The following MAP4K3 variants were observed in gnomAD, a reference collection of about 807,000 sequenced individuals.
MAP4K3 encodes the protein MAPK/ERK kinase kinase kinase 3.
A neutral mutation model predicts 143.5 loss-of-function variants in MAP4K3; 94 were observed. The ratio of observed to expected loss-of-function variants is 0.65; its 90% CI spans 0.55 to 0.78. The LOEUF is 0.78. MAP4K3 is among the 30% of genes least tolerant of loss of function. MAP4K3 has a pLI of 0.00. For missense variants in MAP4K3, 1,077 were observed against 1,068.1 expected (o/e 1.01, Z -0.12); for synonymous variants, 416 against 347.2 (o/e 1.20, Z -2.20).
In MAP4K3 at chr2:39,385,080, T is replaced by C. The variant is rs570734128; in HGVS notation, c.97-6957A>G. Reference sequence around the variant, plus strand: ...TTTTTATTGCTGAGTAGGGTTCCACTGTATGGATTTACCACAGTTCATCCA... The same window carrying C: ...TTTTTATTGCTGAGTAGGGTTCCACCGTATGGATTTACCACAGTTCATCCA... On this transcript the variant is annotated intron_variant, in intron 1 of 33. Coordinates refer to ENST00000263881, the MANE Select transcript of MAP4K3 (RefSeq NM_003618.4). Among the ~76,000 whole-genome samples the C allele has an allele frequency of 3.2e-4, 49 of 152,376 alleles. 1 individual carries two copies. The South Asian group carries it at 7.5e-3, about 23-fold the overall frequency.
intron 1 of MAP4K3, among the ~76,000 whole-genome samples, chr2:39,427,390 G>A (rs1197712905): frequency 2.6e-5 from 4 of 151,984 alleles, no homozygotes; most frequent in African/African-American, 9.7e-5. Flanking sequence ...CAGAATGAAG[G>A]AATATAAGGC....
chr2:39,435,029 A>C (rs1665408212), intron 1 of MAP4K3, among the ~76,000 whole-genome samples: 1 of 152,206 alleles, frequency 6.6e-6, no homozygotes, highest in Non-Finnish European at 1.5e-5. Flanking sequence ...GTCCTGTAAA[A>C]AAATTCACTG....
chr2:39,273,747 T>C (rs1232171371), intron 24 of MAP4K3, among the ~76,000 whole-genome samples: 2 of 152,250 alleles, frequency 1.3e-5, no homozygotes, highest in African/African-American at 4.8e-5. Context: ...AAATGTGGCA[T>C]TGCCAATACA....
chr2:39,287,463 A>G (rs1681842599), intron 20 of MAP4K3, among the ~76,000 whole-genome samples: 1 of 152,020 alleles, frequency 6.6e-6, no homozygotes, highest in Non-Finnish European at 1.5e-5. Flanking sequence ...ACGCCCAGCT[A>G]ATTTTGTATT....
chr2:39,397,794 C>T (rs1263657391), intron 1 of MAP4K3, among the ~76,000 whole-genome samples: 1 of 151,948 alleles, frequency 6.6e-6, no homozygotes, highest in Non-Finnish European at 1.5e-5. Flanking sequence ...CGGAAATACA[C>T]CCATATAAAG....
intron 1 of MAP4K3, among the ~76,000 whole-genome samples, chr2:39,382,286 A>AG (rs1296507722): frequency 6.6e-6 from 1 of 152,260 alleles, no homozygotes; most frequent in East Asian, 1.9e-4. Flanking sequence ...AAAGTGGGTT[A>AG]GAAACAGTCA....
intron 32 of MAP4K3, among the ~76,000 whole-genome samples, chr2:39,253,047 G>A (rs1680209558): frequency 6.6e-6 from 1 of 152,164 alleles, no homozygotes; most frequent in Non-Finnish European, 1.5e-5. Context: ...GCTGTTGACT[G>A]TTCTTATCTC....
Position 39,331,982 on chromosome 2 carries a change from A to C in MAP4K3, c.465T>G (p.Phe155Leu). ...TDNGHVKLAD[F>L]GVSAQITATI... ...TAGCTGTTATCTGTGCAGATACTCC[A>C]AAATCAGCTATTAAAAAAAATGAGA... Residue 155 changes from phenylalanine to leucine, a missense_variant, in exon 8 of 34, where the codon TTT becomes TTG. Physicochemically the swap from Phe to Leu is conservative, Grantham distance 22. This residue lies in a region of MAP4K3 where 213 missense variants were observed against 266.8 expected (regional missense o/e 0.80). Transcript: ENST00000263881. 6.6e-7 allele frequency: 1 copy of C among 1,522,416 alleles called. No individual in the cohort carries two copies. The highest frequency in any genetic ancestry group is 8.9e-7 in the Non-Finnish European group (1 of 1,121,554). 94.3% of individuals were successfully genotyped at this position (1,522,416 alleles called of 1,614,324 possible). A position where few individuals can be genotyped will look rare whatever the true frequency, so the allele number is the denominator to read the frequency against.
Position 39,309,458 on chromosome 2 carries a change from T to C in MAP4K3, c.1056+3A>G, listed in dbSNP as rs1353425306. The C allele has an allele frequency of 1.3e-6, 2 of 1,582,906 alleles. No individual in the cohort carries two copies. The highest frequency in any genetic ancestry group is 1.7e-4 in the Middle Eastern group (1 of 5,968). ...GCTAACATTCTAAGGCTATACTACT[T>C]ACAAGTTCATGATGTGGTTCTGTCT... On this transcript the variant is annotated splice_donor_region_variant and intron_variant, in intron 14 of 33. Transcript: ENST00000263881.
intron 1 of MAP4K3, among the ~76,000 whole-genome samples, chr2:39,420,609 A>C (rs1667519014): frequency 6.6e-6 from 1 of 150,906 alleles, no homozygotes; most frequent in African/African-American, 2.4e-5. Context: ...GATGAGGTCT[A>C]GCTATGTTGT....
At chr2:39,424,830 CAAAAAAAAA>C (rs58960920) in intron 1 of MAP4K3, among the ~76,000 whole-genome samples, 14 of 68,198 alleles carry the variant, frequency 2.1e-4, no homozygotes, top group African/African-American at 7.2e-4. Flanking sequence ...TAACCTGACT[CAAAAAAAAA>C]AAAAAAAAAA....
At chr2:39,320,575 A>T (rs1683267614) in intron 12 of MAP4K3, among the ~76,000 whole-genome samples, 1 of 146,970 alleles carries the variant, frequency 6.8e-6, no homozygotes, top group Admixed American at 6.8e-5. Flanking sequence ...CTTTTACTTT[A>T]TTAAAACCAT....
In MAP4K3 at chr2:39,287,445, G is replaced by A. The variant is rs566582367; in HGVS notation, c.1475-481C>T. 3.5e-3 allele frequency among the ~76,000 whole-genome samples: 525 copies of A among 152,156 alleles called. 3 individuals are homozygous for A. The highest frequency in any genetic ancestry group is 0.012 in the African/African-American group (504 of 41,520). On this transcript the variant is annotated intron_variant, in intron 20 of 33. Transcript: ENST00000263881. ...CCCAAGTAGCTGGGATTACAGGCAT[G>A]CGCTACCACGCCCAGCTAATTTTGT...
At chr2:39,412,138 T>C (rs762241476) in intron 1 of MAP4K3, among the ~76,000 whole-genome samples, 5 of 152,222 alleles carry the variant, frequency 3.3e-5, no homozygotes, top group Admixed American at 6.5e-5. Flanking sequence ...CTGCAATGAT[T>C]TGCCAAATAA....
intron 8 of MAP4K3, 55 bp downstream of exon 8, chr2:39,331,862 G>A: frequency 8.7e-7 from 1 of 1,147,538 alleles, no homozygotes; most frequent in South Asian, 1.8e-5. Context: ...TTTTAGAAAT[G>A]CTATATCCAA....
intron 12 of MAP4K3, among the ~76,000 whole-genome samples, chr2:39,323,117 A>T (rs1683371836): frequency 6.6e-6 from 1 of 152,238 alleles, no homozygotes; most frequent in African/African-American, 2.4e-5. Context: ...ATTTCTCTTA[A>T]GAAAAACATT....
rs566222336 is a variant in MAP4K3 at position 39,321,494 on chromosome 2, T to C, written c.918+4024A>G. Among the ~76,000 whole-genome samples, 186 of 152,288 alleles carry C rather than the reference T, an allele frequency of 1.2e-3. 3 individuals are homozygous for C. Among genetic ancestry groups the C allele is most frequent in the African/African-American group, 4.3e-3 (180 of 41,566 alleles). On this transcript the variant is annotated intron_variant, in intron 12 of 33. Coordinates refer to ENST00000263881, the MANE Select transcript of MAP4K3 (RefSeq NM_003618.4). ...ACCTCCGCCTAGGAAAGCCAGGTAT[T>C]GTCCAAGGTTTCTCCCCATGTGATA...
chr2:39,280,276 T>A lies in MAP4K3; in HGVS notation c.1710A>T (p.Thr570=), dbSNP rs3755176. 0.81 allele frequency: 1,259,439 copies of A among 1,555,450 alleles called. 521,456 individuals are homozygous for A. Among genetic ancestry groups the A allele is most frequent in the Non-Finnish European group, 0.85 (969,024 of 1,143,220 alleles). ...GATAAAAACACACAATACTACCTCTTGTATCTGGGTTTATCCATGATGATG... is the reference window on the plus strand; with the variant it reads ...GATAAAAACACACAATACTACCTCTAGTATCTGGGTTTATCCATGATGATG... The part of the protein sequence containing the change: ...HCASSWINPD[T]RDQYLIFGAE... Residue 570 remains threonine (T), a synonymous_variant, in exon 23 of 34, where the codon ACA becomes ACT. Transcript: ENST00000263881.
chr2:39,359,687 G>T (rs1201360961), intron 2 of MAP4K3, among the ~76,000 whole-genome samples: 1 of 152,270 alleles, frequency 6.6e-6, no homozygotes, highest in Non-Finnish European at 1.5e-5. Flanking sequence ...CTAGCCAGAG[G>T]TTCTCAAACC....
Sources: allele counts gnomAD v4.1 joint callset (sites outside exome capture counted in the v4.1 genomes callset), GRCh38; gene constraint gnomAD v4.1.1; regional missense constraint gnomAD v4.1.1; transcripts MANE v1.5; gene names NCBI Gene and HGNC (gene_info 2026-07-23, HGNC 2026-07-21).